CTNND2: variants seen among roughly 807,000 people sequenced by gnomAD.
CTNND2 encodes catenin delta 2.
In CTNND2, 22 loss-of-function variants were observed where a neutral mutation model predicts 144.4. The observed-to-expected ratio is 0.15, with a 90% CI of 0.11 to 0.22. The LOEUF is 0.22. CTNND2 is among the 10% of genes least tolerant of loss of function. CTNND2 has a pLI of 1.00. For missense variants in CTNND2, 1,353 were observed against 1,618.8 expected (o/e 0.84, Z 2.82); for synonymous variants, 751 against 695.6 (o/e 1.08, Z -1.25).
chr5:10,994,383 AAAG>A (rs1739090499), intron 18 of CTNND2, among the ~76,000 whole-genome samples: 15 of 21,270 alleles, frequency 7.1e-4, no homozygotes, highest in East Asian at 4.6e-3. Context: ...GGGGCCGGGG[AAAG>A]AGGAGGGGGG....
At chr5:11,111,261 T>A (rs1206956417) in intron 13 of CTNND2, among the ~76,000 whole-genome samples, 1 of 152,228 alleles carries the variant, frequency 6.6e-6, no homozygotes, top group Non-Finnish European at 1.5e-5. Flanking sequence ...AAATGACTTA[T>A]CAGCAATAGT....
chr5:11,643,212 TTTA>T (rs1375578800), intron 2 of CTNND2, among the ~76,000 whole-genome samples: 1 of 148,284 alleles, frequency 6.7e-6, no homozygotes, highest in Non-Finnish European at 1.5e-5. Context: ...CATTTAATAT[TTTA>T]TTTTTTATTT....
intron 9 of CTNND2, among the ~76,000 whole-genome samples, chr5:11,319,952 G>T (rs1470097492): frequency 6.6e-6 from 1 of 152,178 alleles, no homozygotes; most frequent in Non-Finnish European, 1.5e-5. Flanking sequence ...TTTCCATGAA[G>T]TTGTCAGGCC....
At position 11,638,588 on chromosome 5, in the gene CTNND2, T is replaced by C. The variant is rs548267389; in HGVS notation, c.175-73532A>G. Among the ~76,000 whole-genome samples the C allele has an allele frequency of 3.6e-3, 542 of 152,258 alleles. 5 individuals are homozygous for C. Among genetic ancestry groups the C allele is most frequent in the Admixed American group, 5.9e-3 (90 of 15,278 alleles). On this transcript the variant is annotated intron_variant, in intron 2 of 21. Transcript: ENST00000304623. ...CTTATAACTGTACAGAACCATGGAC[T>C]CCCACCCACTACTCTTGCTCTGTCA...
At chr5:11,057,060 T>G (rs1291612759) in intron 16 of CTNND2, among the ~76,000 whole-genome samples, 1 of 152,230 alleles carries the variant, frequency 6.6e-6, no homozygotes, top group Non-Finnish European at 1.5e-5. Flanking sequence ...TGTCCCTTGA[T>G]CTGCACTATA....
intron 1 of CTNND2, among the ~76,000 whole-genome samples, chr5:11,794,312 G>A (rs2126874329): frequency 6.6e-6 from 1 of 152,320 alleles, no homozygotes; most frequent in East Asian, 1.9e-4. Context: ...CCATCAGTCT[G>A]CTGAAAATTT....
chr5:11,369,039 C>T (rs1422564121), intron 7 of CTNND2, among the ~76,000 whole-genome samples: 1 of 152,090 alleles, frequency 6.6e-6, no homozygotes, highest in Non-Finnish European at 1.5e-5. Flanking sequence ...ATAAACTATC[C>T]AAATTTCAAA....
chr5:11,558,038 T>C (rs1217401767), intron 3 of CTNND2, among the ~76,000 whole-genome samples: 1 of 152,142 alleles, frequency 6.6e-6, no homozygotes, highest in African/African-American at 2.4e-5. Flanking sequence ...ATTTCAATAA[T>C]TAACAAAGGG....
intron 2 of CTNND2, among the ~76,000 whole-genome samples, chr5:11,703,951 CAAAT>C (rs1785576485): frequency 6.6e-6 from 1 of 152,258 alleles, no homozygotes; most frequent in Admixed American, 6.5e-5. Flanking sequence ...GAGGGATTCT[CAAAT>C]AATCTTAAAC....
chr5:11,014,394 A>G (rs1741395984), intron 18 of CTNND2, among the ~76,000 whole-genome samples: 1 of 152,196 alleles, frequency 6.6e-6, no homozygotes, highest in African/African-American at 2.4e-5. Flanking sequence ...TTCCCATGGC[A>G]CATCGTCTTT....
chr5:11,881,628 T>C (rs936053539), intron 1 of CTNND2, among the ~76,000 whole-genome samples: 3 of 152,004 alleles, frequency 2.0e-5, no homozygotes, highest in South Asian at 2.1e-4. Context: ...TTTTTTTATT[T>C]ATTCATTCAT....
chr5:11,637,705 C>T (rs114055823), intron 2 of CTNND2, among the ~76,000 whole-genome samples: 2,356 of 152,180 alleles, frequency 0.015, 56 homozygotes, highest in African/African-American at 0.048. Flanking sequence ...CATCAATCTT[C>T]TCAACAAATA....
At chr5:11,880,629 A>G (rs1735991977) in intron 1 of CTNND2, among the ~76,000 whole-genome samples, 2 of 142,646 alleles carry the variant, frequency 1.4e-5, no homozygotes, top group East Asian at 2.0e-4. Flanking sequence ...TACTGCTACT[A>G]GTACTACTAC....
intron 2 of CTNND2, among the ~76,000 whole-genome samples, chr5:11,601,410 A>G (rs1287986985): frequency 2.6e-5 from 4 of 152,164 alleles, no homozygotes; most frequent in Non-Finnish European, 4.4e-5. Flanking sequence ...AAATGAAAGG[A>G]AGGCACATCA....
chr5:11,458,178 A>T (rs1160347191), intron 3 of CTNND2, among the ~76,000 whole-genome samples: 3 of 152,206 alleles, frequency 2.0e-5, no homozygotes, highest in Non-Finnish European at 4.4e-5. Context: ...GTCCTCACCA[A>T]GGGGTCTACT....
chr5:11,786,753 C>A (rs755888458), intron 1 of CTNND2, among the ~76,000 whole-genome samples: 1 of 152,148 alleles, frequency 6.6e-6, no homozygotes, highest in Non-Finnish European at 1.5e-5. Context: ...TCCATGAATA[C>A]ACACTTATCT....
At chr5:11,664,794 A>G (rs746675728) in intron 2 of CTNND2, among the ~76,000 whole-genome samples, 1 of 152,164 alleles carries the variant, frequency 6.6e-6, no homozygotes, top group Non-Finnish European at 1.5e-5. Context: ...TTGATAACTT[A>G]GTCTTCCATC....
intron 16 of CTNND2, among the ~76,000 whole-genome samples, chr5:11,063,018 A>T (rs1317926965): frequency 1.3e-5 from 2 of 152,180 alleles, no homozygotes; most frequent in Non-Finnish European, 2.9e-5. Flanking sequence ...CTTCAACAAG[A>T]TTGAAGGAAG....
rs150517100 is a variant in CTNND2, at chr5:11,542,113, A to G, written c.287+22831T>C. On this transcript the variant is annotated intron_variant, in intron 3 of 21. Coordinates refer to ENST00000304623, the MANE Select transcript of CTNND2 (RefSeq NM_001332.4). ...CCAAGAACATGACCTGCAGGGATTT[A>G]CCTCAGAGGCAACACAAGAGTATAT... 1.4e-3 allele frequency among the ~76,000 whole-genome samples: 216 copies of G among 152,244 alleles called. 2 individuals are homozygous for G. Among genetic ancestry groups the G allele is most frequent in the African/African-American group, 4.9e-3 (202 of 41,538 alleles).
Sources: gnomAD v4.1 joint callset for allele counts (sites outside exome capture counted in the v4.1 genomes callset) on GRCh38, gnomAD v4.1.1 for gene constraint, MANE v1.5 for transcripts, NCBI Gene and HGNC (gene_info 2026-07-23, HGNC 2026-07-21) for gene names.